Variants in ADAMTSL1 observed in about 807,000 individuals in gnomAD.
The protein encoded by ADAMTSL1 is ADAMTS like 1.
A neutral mutation model predicts 201.8 loss-of-function variants in ADAMTSL1; 126 were observed. That is an observed-to-expected ratio of 0.62 (90% CI 0.54 to 0.72). The LOEUF (loss-of-function observed/expected upper bound fraction) is 0.72. ADAMTSL1 is among the 30% of genes least tolerant of loss of function. The pLI is 0.00. For missense variants in ADAMTSL1, 2,679 were observed against 2,277.8 expected (o/e 1.18, Z -3.59); for synonymous variants, 1,121 against 903.4 (o/e 1.24, Z -4.32).
At chr9:18,619,621 T>C (rs1825905886) in intron 4 of ADAMTSL1, among the ~76,000 whole-genome samples, 1 of 152,216 alleles carries the variant, frequency 6.6e-6, no homozygotes, top group South Asian at 2.1e-4. Flanking sequence ...TCTGTGAAGC[T>C]GAATTGTTCT....
intron 9 of ADAMTSL1, among the ~76,000 whole-genome samples, chr9:18,667,617 G>A (rs570537069): frequency 2.8e-4 from 43 of 152,048 alleles, no homozygotes; most frequent in Non-Finnish European, 5.4e-4. Flanking sequence ...TACATTTAAA[G>A]AGCTTAGCAG....
At chr9:18,347,447 T>A (rs1237476511) in intron 2 of ADAMTSL1, among the ~76,000 whole-genome samples, 1 of 152,116 alleles carries the variant, frequency 6.6e-6, no homozygotes, top group African/African-American at 2.4e-5. Context: ...ATTTTTAAAT[T>A]GGAGTATCAT....
Position 18,154,471 on chromosome 9 carries a change from T to G in ADAMTSL1, c.88-9391T>G, listed in dbSNP as rs926225549. 1.8e-4 allele frequency among the ~76,000 whole-genome samples: 27 copies of G among 152,176 alleles called. 1 individual carries two copies. The highest frequency in any genetic ancestry group is 1.6e-3 in the Admixed American group (25 of 15,276). ...GGACACTGGAACATCTGAGTCTGTG[T>G]GAACAGTTTTAGGACATTTCCTATT... On this transcript the variant is annotated intron_variant, in intron 1 of 29. Transcript: ENST00000680146.
At chr9:18,781,181 A>G (rs578188347) in intron 19 of ADAMTSL1, among the ~76,000 whole-genome samples, 2 of 151,598 alleles carry the variant, frequency 1.3e-5, no homozygotes, top group South Asian at 2.1e-4. Context: ...AAAGAACACT[A>G]AAGCACTGGG....
intron 26 of ADAMTSL1, among the ~76,000 whole-genome samples, chr9:18,896,853 C>T (rs77108895): frequency 0.029 from 4,337 of 152,132 alleles, 122 homozygotes; most frequent in South Asian, 0.13. Flanking sequence ...AGACTCAGGC[C>T]CTGGGAATCC....
At chr9:18,220,484 C>A (rs1830214973) in intron 2 of ADAMTSL1, among the ~76,000 whole-genome samples, 1 of 151,944 alleles carries the variant, frequency 6.6e-6, no homozygotes. Flanking sequence ...TTTTTCAATA[C>A]CTTCATCTTT....
intron 2 of ADAMTSL1, among the ~76,000 whole-genome samples, chr9:18,460,082 G>A (rs1820751991): frequency 6.6e-6 from 1 of 152,042 alleles, no homozygotes; most frequent in African/African-American, 2.4e-5. Flanking sequence ...AGAAAAAGTG[G>A]GAAAACTGTT....
intron 2 of ADAMTSL1, among the ~76,000 whole-genome samples, chr9:18,265,216 G>T (rs1054750770): frequency 6.6e-6 from 1 of 152,168 alleles, no homozygotes; most frequent in African/African-American, 2.4e-5. Flanking sequence ...TGCCAGGCCT[G>T]TTGTACCTTG....
intron 2 of ADAMTSL1, among the ~76,000 whole-genome samples, chr9:18,335,698 G>A (rs886550869): frequency 6.6e-6 from 1 of 152,048 alleles, no homozygotes; most frequent in East Asian, 1.9e-4. Flanking sequence ...ACAAAAATGT[G>A]AACTATCTAT....
chr9:18,202,172 A>G (rs1829475527), intron 2 of ADAMTSL1, among the ~76,000 whole-genome samples: 1 of 152,172 alleles, frequency 6.6e-6, no homozygotes, highest in Admixed American at 6.6e-5. Context: ...GTCACAGGGG[A>G]AAAATCGTTA....
At chr9:18,407,281 T>C (rs949872502) in intron 2 of ADAMTSL1, among the ~76,000 whole-genome samples, 10 of 152,258 alleles carry the variant, frequency 6.6e-5, no homozygotes, top group South Asian at 4.2e-4. Flanking sequence ...GATTGAGCAG[T>C]GGAAATTGAT....
intron 1 of ADAMTSL1, among the ~76,000 whole-genome samples, chr9:18,064,992 G>T (rs1180652374): frequency 4.2e-5 from 4 of 96,228 alleles, no homozygotes; most frequent in African/African-American, 8.7e-5. Context: ...TTTTTTTGGT[G>T]GGCTCTGAAT....
intron 15 of ADAMTSL1, among the ~76,000 whole-genome samples, chr9:18,726,172 A>G (rs1587993223): frequency 6.6e-6 from 1 of 152,300 alleles, no homozygotes; most frequent in Middle Eastern, 3.4e-3. Flanking sequence ...CAGGACTTAA[A>G]TTTTATTAGA....
chr9:17,978,063 T>C (rs960722904), intron 1 of ADAMTSL1, among the ~76,000 whole-genome samples: 6 of 152,106 alleles, frequency 3.9e-5, no homozygotes, highest in African/African-American at 1.4e-4. Context: ...TGAACTTCTA[T>C]GTCTCTCTTT....
chr9:18,135,615 C>A (rs1826125815), intron 1 of ADAMTSL1, among the ~76,000 whole-genome samples: 1 of 151,958 alleles, frequency 6.6e-6, no homozygotes, highest in Admixed American at 6.6e-5. Flanking sequence ...GGCAATGTAG[C>A]AAACCCTGCT....
intron 23 of ADAMTSL1, among the ~76,000 whole-genome samples, chr9:18,877,035 G>A (rs575867093): frequency 2.6e-5 from 4 of 151,912 alleles, no homozygotes; most frequent in African/African-American, 9.7e-5. Context: ...GTTTTATTCT[G>A]TTGAGACTTT....
intron 2 of ADAMTSL1, among the ~76,000 whole-genome samples, chr9:18,422,106 C>T (rs1350242174): frequency 6.6e-6 from 1 of 152,126 alleles, no homozygotes. Flanking sequence ...TCATTTCTCC[C>T]TGGTCTCCTA....
intron 15 of ADAMTSL1, among the ~76,000 whole-genome samples, chr9:18,727,810 T>A (rs564689554): frequency 6.6e-5 from 10 of 152,200 alleles, no homozygotes; most frequent in Non-Finnish European, 1.5e-4. Flanking sequence ...CTGGGCACAG[T>A]GGCTCATGCC....
chr9:18,363,612 T>C (rs1008134187), intron 2 of ADAMTSL1, among the ~76,000 whole-genome samples: 1 of 152,222 alleles, frequency 6.6e-6, no homozygotes, highest in Non-Finnish European at 1.5e-5. Context: ...TGGCACACAA[T>C]TGTAGGTATT....
Sources: gnomAD v4.1 joint callset for allele counts (sites outside exome capture counted in the v4.1 genomes callset) on GRCh38, gnomAD v4.1.1 for gene constraint, MANE v1.5 for transcripts, NCBI Gene and HGNC (gene_info 2026-07-23, HGNC 2026-07-21) for gene names.